The following SLC13A3 variants were observed in gnomAD, a reference collection of about 807,000 sequenced individuals.
The protein encoded by SLC13A3 is solute carrier family 13 member 3.
SLC13A3 carries 40 observed loss-of-function variants against 59.0 expected under a neutral mutation model. That is an observed-to-expected ratio of 0.68 (90% confidence interval 0.53 to 0.88). The LOEUF is 0.88. Among genes scored for constraint, SLC13A3 ranks in the 40% least tolerant of loss-of-function variants. The pLI, the probability that SLC13A3 is intolerant of heterozygous loss-of-function variation, is 0.00. For missense variants in SLC13A3, 699 were observed against 783.2 expected (o/e 0.89, Z 1.28); for synonymous variants, 317 against 330.3 (o/e 0.96, Z 0.44).
rs406518 is a variant in SLC13A3, at chr20:46,588,458, G to A, written c.1017-295C>T. Among the ~76,000 whole-genome samples the A allele has an allele frequency of 8.3e-3, 1,260 of 152,178 alleles. 19 individuals carry two copies. The highest frequency in any genetic ancestry group is 0.029 in the African/African-American group (1,194 of 41,506). ...CACCAGGAGTTTACCAGGGTCCTAC[G>A]GAAAATCAAGAAAGTGAGAAACAGA... is the stretch of plus-strand genomic sequence containing the variant. On this transcript the variant is annotated intron_variant, in intron 7 of 12. Coordinates refer to ENST00000279027, the MANE Select transcript of SLC13A3 (RefSeq NM_022829.6).
upstream of SLC13A3, among the ~76,000 whole-genome samples, chr20:46,653,561 G>A (rs2062966238): frequency 6.6e-6 from 1 of 152,142 alleles, no homozygotes; most frequent in Non-Finnish European, 1.5e-5. Context: ...GGTTGGACAA[G>A]CTTGTCAGAA....
intron 8 of SLC13A3, chr20:46,585,786 T>C (rs1056103388): frequency 7.8e-7 from 1 of 1,284,458 alleles, no homozygotes; most frequent in Admixed American, 2.6e-5. Context: ...AATAAAAAAA[T>C]GGTAAGAGCA....
At chr20:46,562,246 A>G (rs967619916) in intron 12 of SLC13A3, among the ~76,000 whole-genome samples, 2 of 152,108 alleles carry the variant, frequency 1.3e-5, no homozygotes, top group Non-Finnish European at 2.9e-5. Flanking sequence ...TAAGATACCA[A>G]GTCTGTCCTG....
At chr20:46,601,416 A>G (rs1217043500) in intron 3 of SLC13A3, among the ~76,000 whole-genome samples, 2 of 152,060 alleles carry the variant, frequency 1.3e-5, no homozygotes, top group Non-Finnish European at 2.9e-5. Context: ...AGCTTGGTGC[A>G]ACTTGGAACC....
chr20:46,609,582 A>G (rs2062471774), intron 3 of SLC13A3, among the ~76,000 whole-genome samples: 1 of 152,104 alleles, frequency 6.6e-6, no homozygotes, highest in African/African-American at 2.4e-5. Context: ...TGCTTACAAA[A>G]TCTTTTGTCG....
intron 1 of SLC13A3, among the ~76,000 whole-genome samples, chr20:46,665,661 GA>G (rs1397800374): frequency 6.6e-6 from 1 of 152,106 alleles, no homozygotes; most frequent in African/African-American, 2.4e-5. Flanking sequence ...TACACATTTG[GA>G]CCGTTTGAAC....
rs571767324 is a variant in SLC13A3, at chr20:46,562,318, C to T, written c.1632+1096G>A. ...TCCTTCTCCAACTCCACTGCAGCCA[C>T]CCCAGCCTCCTGGCCCTGAATTTCT... On this transcript the variant is annotated intron_variant, in intron 12 of 12. Transcript: ENST00000279027. Among the ~76,000 whole-genome samples, 6 of 152,300 alleles carry T rather than the reference C, an allele frequency of 3.9e-5. No homozygotes were observed. In the East Asian group the frequency reaches 1.2e-3, roughly 29 times the overall value.
Position 46,583,229 on chromosome 20 carries a change from A to G in SLC13A3, c.1219+343T>C, listed in dbSNP as rs1270309291. 4 of 543,814 alleles carry G rather than the reference A, an allele frequency of 7.4e-6. No homozygotes were observed. In the Admixed American group the frequency reaches 1.6e-4, roughly 22 times the overall value. 33.7% of individuals were successfully genotyped at this position (543,814 alleles called of 1,614,324 possible). A position where few individuals can be genotyped will look rare whatever the true frequency, so the allele number is the denominator to read the frequency against. ...GGAAAGCAAAATTTGATACATGGAC[A>G]CTGAAATTTAGATTTCATGTAACTT... On this transcript the variant is annotated intron_variant, in intron 9 of 12. Transcript: ENST00000279027.
At chr20:46,589,310 C>G (rs1263116460) in intron 6 of SLC13A3, 55 bp from the exon 7 acceptor site, 1 of 1,463,994 alleles carries the variant, frequency 6.8e-7, no homozygotes, top group East Asian at 2.3e-5. Context: ...ACTAACTTCT[C>G]ACCTACAACA....
Position 46,651,391 on chromosome 20 carries a change from C to A in SLC13A3, c.31G>T (p.Val11Leu). 6.7e-7 allele frequency: 1 copy of A among 1,501,268 alleles called. No individual in the cohort carries two copies. The highest frequency in any genetic ancestry group is 8.9e-7 in the Non-Finnish European group (1 of 1,129,672). 93.0% of individuals were successfully genotyped at this position (1,501,268 alleles called of 1,614,324 possible). A position where few individuals can be genotyped will look rare whatever the true frequency, so the allele number is the denominator to read the frequency against. Residue 11 changes from valine to leucine, a missense_variant, in exon 1 of 13, where the codon GTG (valine) becomes TTG (leucine). Coordinates refer to ENST00000279027, the MANE Select transcript of SLC13A3 (RefSeq NM_022829.6). ...ACCAGCAGCCGCCGCGCGCTCCACA[C>A]CTTCTTGGCCGCTGCTGCCAGCGCC... Reference protein sequence around the residue: MAALAAAAKKVWSARRLLVLL... With the variant: MAALAAAAKKLWSARRLLVLL...
chr20:46,672,264 C>A (rs1286543608), upstream of SLC13A3, among the ~76,000 whole-genome samples: 1 of 152,238 alleles, frequency 6.6e-6, no homozygotes, highest in African/African-American at 2.4e-5. Context: ...CATTTGGTAA[C>A]CCTCACCAGA....
intron 1 of SLC13A3, among the ~76,000 whole-genome samples, chr20:46,636,795 AT>A (rs917371307): frequency 2.4e-4 from 31 of 129,450 alleles, no homozygotes; most frequent in African/African-American, 6.9e-4. Context: ...CACCCTTGAC[AT>A]TTTTTTTTTC....
chr20:46,654,625 G>A (rs982322487), upstream of SLC13A3, among the ~76,000 whole-genome samples: 9 of 152,080 alleles, frequency 5.9e-5, no homozygotes, highest in African/African-American at 2.2e-4. Flanking sequence ...CGCCTTCCAG[G>A]TTCAAGTGAT....
chr20:46,667,246 G>A (rs151299415), intron 1 of SLC13A3, among the ~76,000 whole-genome samples: 359 of 152,242 alleles, frequency 2.4e-3, no homozygotes, highest in African/African-American at 8.2e-3. Context: ...GGACCTTCAA[G>A]GTCTGGGCAT....
chr20:46,600,836 G>A (rs1381128451), intron 3 of SLC13A3, among the ~76,000 whole-genome samples: 1 of 152,202 alleles, frequency 6.6e-6, no homozygotes, highest in Non-Finnish European at 1.5e-5. Flanking sequence ...TTTTAGGTAG[G>A]GACAAATGTA....
At chr20:46,653,506 A>C (rs1000878956), upstream of SLC13A3, among the ~76,000 whole-genome samples, 4 of 152,168 alleles carry the variant, frequency 2.6e-5, no homozygotes, top group Non-Finnish European at 4.4e-5. Context: ...CTAAAAGCTT[A>C]AAACAAACAA....
intron 1 of SLC13A3, among the ~76,000 whole-genome samples, chr20:46,624,464 G>C (rs1210514578): frequency 6.6e-6 from 1 of 152,232 alleles, no homozygotes; most frequent in African/African-American, 2.4e-5. Flanking sequence ...TAAGTAGCCT[G>C]ACCAGGGTCA....
chr20:46,662,891 C>A (rs576979680), intron 1 of SLC13A3, among the ~76,000 whole-genome samples: 1 of 152,164 alleles, frequency 6.6e-6, no homozygotes, highest in African/African-American at 2.4e-5. Context: ...GAGTTCAGCA[C>A]TTTTGTAACT....
chr20:46,657,455 T>G (rs1478937210), intron 1 of SLC13A3, among the ~76,000 whole-genome samples: 2 of 152,166 alleles, frequency 1.3e-5, no homozygotes, highest in East Asian at 3.9e-4. Flanking sequence ...ACATTTTGGG[T>G]ACTGTATTAC....
Sources: gnomAD v4.1 joint callset for allele counts (sites outside exome capture counted in the v4.1 genomes callset) on GRCh38, gnomAD v4.1.1 for gene constraint, MANE v1.5 for transcripts, NCBI Gene and HGNC (gene_info 2026-07-23, HGNC 2026-07-21) for gene names.